KIF26B: variants seen among roughly 807,000 people sequenced by gnomAD.
The protein encoded by KIF26B is kinesin family member 26B.
A neutral mutation model predicts 151.2 loss-of-function variants in KIF26B; 63 were observed. The observed-to-expected ratio is 0.42, with a 90% CI of 0.34 to 0.51. The LOEUF (loss-of-function observed/expected upper bound fraction) is 0.51. Ranked by LOEUF, KIF26B falls within the 20% of genes least tolerant of loss-of-function variation. KIF26B has a pLI of 0.07. For synonymous variants in KIF26B, 1,357 were observed against 1,262.1 expected (o/e 1.08, Z -1.59); for missense variants, 2,813 against 2,913.6 (o/e 0.97, Z 0.79).
intron 4 of KIF26B, among the ~76,000 whole-genome samples, chr1:245,478,384 T>C (rs1184190786): frequency 6.6e-6 from 1 of 150,648 alleles, no homozygotes; most frequent in Non-Finnish European, 1.5e-5. Flanking sequence ...TTTTCTCCTG[T>C]GTGAAATGGG....
intron 2 of KIF26B, among the ~76,000 whole-genome samples, chr1:245,158,977 T>C (rs1306517472): frequency 1.3e-5 from 2 of 152,152 alleles, no homozygotes; most frequent in African/African-American, 2.4e-5. Flanking sequence ...TGGTGTACCA[T>C]GGATGGAGGC....
At position 245,686,122 on chromosome 1, in the gene KIF26B, C is replaced by T. The variant is rs755612041; in HGVS notation, c.3139C>T (p.Arg1047Trp). The T allele has an allele frequency of 1.1e-5, 18 of 1,610,800 alleles. No individual in the cohort carries two copies. The highest frequency in any genetic ancestry group is 2.2e-5 in the East Asian group (1 of 44,752). ...LVQSPSLQSS[R>W]ESLNSCGFVE... is the part of the protein sequence containing the mutation. ...GCAGAGCCCCAGCCTCCAGAGCAGC[C>T]GGGAGAGCCTCAACTCCTGCGGCTT... The change falls in exon 12 of 15, where the codon CGG becomes TGG. Residue 1047 changes from arginine (R) to tryptophan (W), a missense_variant. Physicochemically the swap from Arg to Trp is moderately radical, Grantham distance 101. Transcript: ENST00000407071. The surrounding 1 kb of genome is among the most constrained non-coding windows in gnomAD (Gnocchi z 5.6).
Position 245,358,157 on chromosome 1 carries a change from A to C in KIF26B, c.466-8677A>C, listed in dbSNP as rs11809071. Among the ~76,000 whole-genome samples, 175 of 152,238 alleles carry C rather than the reference A, an allele frequency of 1.1e-3. No homozygotes were observed. Among genetic ancestry groups the C allele is most frequent in the African/African-American group, 4.1e-3 (171 of 41,552 alleles). ...CTCGAACTTCAGATCTGCCCACCTC[A>C]GTTTCCCAAAGTGTGGGGATTACAG... On this transcript the variant is annotated intron_variant, in intron 2 of 14. Coordinates refer to ENST00000407071, the MANE Select transcript of KIF26B (RefSeq NM_018012.4). This position sits in a 1 kb window ranked among gnomAD's most constrained non-coding sequence, Gnocchi z 4.1.
chr1:245,521,319 T>G (rs1419201033), intron 4 of KIF26B, among the ~76,000 whole-genome samples: 2 of 148,776 alleles, frequency 1.3e-5, no homozygotes, highest in Non-Finnish European at 3.0e-5. Context: ...CCAGCCTGAG[T>G]GACAGAGCGA....
chr1:245,475,822 A>AG (rs1221185563), intron 4 of KIF26B, among the ~76,000 whole-genome samples: 1 of 151,874 alleles, frequency 6.6e-6, no homozygotes, highest in East Asian at 1.9e-4. Context: ...AATGTAAAAC[A>AG]GGGCAGCCGC....
At chr1:245,404,325 A>G (rs1264633863) in intron 3 of KIF26B, among the ~76,000 whole-genome samples, 1 of 151,956 alleles carries the variant, frequency 6.6e-6, no homozygotes, top group African/African-American at 2.4e-5. Flanking sequence ...TAAATAGCAG[A>G]CTCCAGGGAC....
intron 4 of KIF26B, among the ~76,000 whole-genome samples, chr1:245,440,038 G>A (rs1205950189): frequency 1.3e-5 from 2 of 152,110 alleles, no homozygotes; most frequent in East Asian, 1.9e-4. Context: ...TGGCTAACAC[G>A]GTGAAACCCC....
intron 5 of KIF26B, among the ~76,000 whole-genome samples, chr1:245,594,295 G>A (rs1488247941): frequency 6.6e-6 from 1 of 152,150 alleles, no homozygotes; most frequent in Non-Finnish European, 1.5e-5. Context: ...GTGTTTTATG[G>A]TTTTAGGTCT....
intron 5 of KIF26B, among the ~76,000 whole-genome samples, chr1:245,565,478 C>T (rs973946146): frequency 1.1e-4 from 17 of 151,950 alleles, no homozygotes; most frequent in Admixed American, 3.3e-4. Context: ...TTAGTAGAGA[C>T]GGGGTCTCAC....
intron 2 of KIF26B, among the ~76,000 whole-genome samples, chr1:245,209,516 A>G (rs1385440498): frequency 6.6e-6 from 1 of 152,202 alleles, no homozygotes; most frequent in East Asian, 1.9e-4. Flanking sequence ...GAAAAAACAA[A>G]AACATAAAGG....
intron 4 of KIF26B, among the ~76,000 whole-genome samples, chr1:245,534,844 A>G (rs551806060): frequency 4.0e-5 from 6 of 150,326 alleles, no homozygotes; most frequent in African/African-American, 1.5e-4. Flanking sequence ...GTGCAGCAGC[A>G]CGATCTCGGC....
chr1:245,192,236 C>G (rs1474191623), intron 2 of KIF26B, among the ~76,000 whole-genome samples: 1 of 149,606 alleles, frequency 6.7e-6, no homozygotes, highest in African/African-American at 2.4e-5. Context: ...TAAAATGTTT[C>G]CCATGTTTCA....
chr1:245,641,248 A>T (rs12057258), intron 9 of KIF26B, among the ~76,000 whole-genome samples: 5,018 of 151,364 alleles, frequency 0.033, 110 homozygotes, highest in African/African-American at 0.058. Flanking sequence ...TTGCTCTCTC[A>T]CTGTTTTTAG....
rs1011859513 is a variant in KIF26B, at chr1:245,572,844, C to T, written c.1351-29733C>T. ...CTTTTGTGGCTCAGATGTGTCTTTG[C>T]GGGGAAATGGTCAGGCGTCCTCTGT... On this transcript the variant is annotated intron_variant, in intron 5 of 14. Transcript: ENST00000407071. The surrounding 1 kb of genome is among the most constrained non-coding windows in gnomAD (Gnocchi z 4.2). 3.3e-5 allele frequency among the ~76,000 whole-genome samples: 5 copies of T among 152,016 alleles called. No individual in the cohort carries two copies. The highest frequency in any genetic ancestry group is 4.8e-5 in the African/African-American group (2 of 41,400).
chr1:245,199,367 G>T (rs951540844), intron 2 of KIF26B, among the ~76,000 whole-genome samples: 2 of 152,104 alleles, frequency 1.3e-5, no homozygotes, highest in Non-Finnish European at 2.9e-5. Context: ...ATGTTGGATG[G>T]TAGTGCGTAG....
At chr1:245,169,328 G>GGTGTGTGGGTGTGTGT (rs56332945) in intron 2 of KIF26B, among the ~76,000 whole-genome samples, 7,317 of 134,038 alleles carry the variant, frequency 0.055, 224 homozygotes, top group East Asian at 0.1. Flanking sequence ...AACGGGCCAT[G>GGTGTGTGGGTGTGTGT]GTGTGTGTGT....
At chr1:245,419,024 T>C (rs2103035700) in intron 3 of KIF26B, among the ~76,000 whole-genome samples, 1 of 152,346 alleles carries the variant, frequency 6.6e-6, no homozygotes, top group Non-Finnish European at 1.5e-5. Flanking sequence ...TGGTAATTCA[T>C]TGTGGCTATA....
chr1:245,389,312 C>T (rs528600860), intron 3 of KIF26B, among the ~76,000 whole-genome samples: 1 of 152,076 alleles, frequency 6.6e-6, no homozygotes, highest in East Asian at 1.9e-4. Context: ...AGGGTTTCAC[C>T]ACATTGGCCA....
chr1:245,592,869 G>A (rs1420764763), intron 5 of KIF26B, among the ~76,000 whole-genome samples: 1 of 152,212 alleles, frequency 6.6e-6, no homozygotes, highest in African/African-American at 2.4e-5. Context: ...CTGTGGTTCT[G>A]TAATGGTAAC....
Sources: allele counts gnomAD v4.1 joint callset (sites outside exome capture counted in the v4.1 genomes callset), GRCh38; gene constraint gnomAD v4.1.1; non-coding constraint Gnocchi (gnomAD v3.1); transcripts MANE v1.5; gene names NCBI Gene and HGNC (gene_info 2026-07-23, HGNC 2026-07-21).